The following WDPCP variants were observed in gnomAD, a reference collection of about 807,000 sequenced individuals.
WDPCP encodes the protein WD repeat containing planar cell polarity effector, also known as WD repeat-containing and planar cell polarity effector protein fritz homolog.
Under a neutral mutation model 93.1 loss-of-function variants are expected in WDPCP, and 71 were observed. The ratio of observed to expected loss-of-function variants is 0.76; its 90% CI spans 0.63 to 0.93. WDPCP has a LOEUF of 0.93. Ranked by LOEUF, WDPCP falls within the 40% of genes least tolerant of loss-of-function variation. The pLI, the probability that WDPCP is intolerant of heterozygous loss-of-function variation, is 0.00. For synonymous variants in WDPCP, 315 were observed against 315.0 expected, an observed-to-expected ratio of 1.00 and a Z score of 0.00; for missense variants, 844 against 887.4, an observed-to-expected ratio of 0.95 and a Z score of 0.62.
intron 2 of WDPCP, among the ~76,000 whole-genome samples, chr2:63,775,143 C>T (rs146391118): frequency 3.3e-5 from 5 of 152,202 alleles, no homozygotes; most frequent in South Asian, 2.1e-4. Flanking sequence ...AGACCCCAAC[C>T]GATATTTTCA....
intron 1 of WDPCP, among the ~76,000 whole-genome samples, chr2:63,546,086 T>C (rs985665870): frequency 6.6e-6 from 1 of 152,112 alleles, no homozygotes; most frequent in Non-Finnish European, 1.5e-5. Flanking sequence ...ACAAAAATAT[T>C]GTGGGATACT....
At chr2:63,482,573 T>C (rs1700331071) in intron 6 of WDPCP, among the ~76,000 whole-genome samples, 1 of 152,012 alleles carries the variant, frequency 6.6e-6, no homozygotes, top group Non-Finnish European at 1.5e-5. Context: ...TTTTAATTTA[T>C]TGCGATACCA....
At chr2:63,217,529 CAATT>C in intron 14 of WDPCP, among the ~76,000 whole-genome samples, 1 of 152,264 alleles carries the variant, frequency 6.6e-6, no homozygotes, top group Non-Finnish European at 1.5e-5. Context: ...GTTTGATCCT[CAATT>C]AGGAAAATTT....
intron 2 of WDPCP, among the ~76,000 whole-genome samples, chr2:63,778,870 T>C (rs1450250312): frequency 6.6e-6 from 1 of 152,230 alleles, no homozygotes; most frequent in Non-Finnish European, 1.5e-5. Flanking sequence ...ATTTGTGTTA[T>C]AAAATAACAT....
intron 1 of WDPCP, among the ~76,000 whole-genome samples, chr2:63,584,735 G>A (rs1225977842): frequency 1.3e-5 from 2 of 152,066 alleles, no homozygotes; most frequent in Non-Finnish European, 2.9e-5. Flanking sequence ...ATCACTCTGT[G>A]TTATTAGCCT....
chr2:63,828,669 A>G (rs563443733), upstream of WDPCP, among the ~76,000 whole-genome samples: 8 of 152,198 alleles, frequency 5.3e-5, no homozygotes, highest in Non-Finnish European at 1.0e-4. Flanking sequence ...ACTACATACA[A>G]TCATCAAGGT....
chr2:63,235,346 T>C (rs1679295904), intron 14 of WDPCP, among the ~76,000 whole-genome samples: 1 of 151,982 alleles, frequency 6.6e-6, no homozygotes, highest in Admixed American at 6.6e-5. Flanking sequence ...TGAAAATGAA[T>C]CAGTAATAAA....
chr2:63,346,638 A>G (rs1220038670), intron 12 of WDPCP, among the ~76,000 whole-genome samples: 1 of 152,180 alleles, frequency 6.6e-6, no homozygotes, highest in African/African-American at 2.4e-5. Flanking sequence ...ATCTCACTCT[A>G]TGAATGCATA....
chr2:63,281,567 T>C (rs1378821567), intron 13 of WDPCP, among the ~76,000 whole-genome samples: 1 of 152,124 alleles, frequency 6.6e-6, no homozygotes, highest in African/African-American at 2.4e-5. Context: ...TGCAAAAATA[T>C]GGAACCAGTC....
At chr2:63,452,946 G>A (rs907497421) in intron 6 of WDPCP, among the ~76,000 whole-genome samples, 5 of 152,146 alleles carry the variant, frequency 3.3e-5, no homozygotes, top group African/African-American at 9.7e-5. Context: ...ATTAATTCAA[G>A]ATGGATTAAA....
At chr2:63,764,025 T>C (rs1163164426) in intron 2 of WDPCP, among the ~76,000 whole-genome samples, 1 of 152,186 alleles carries the variant, frequency 6.6e-6, no homozygotes. Flanking sequence ...CTGATAGTTA[T>C]TGTTATTACT....
chr2:63,280,319 A>G (rs1683433003), intron 13 of WDPCP, among the ~76,000 whole-genome samples: 1 of 152,218 alleles, frequency 6.6e-6, no homozygotes, highest in Non-Finnish European at 1.5e-5. Context: ...AGGAAGAAGC[A>G]AAAACGGAAA....
chr2:63,344,292 G>A (rs1467294905), intron 12 of WDPCP, among the ~76,000 whole-genome samples: 1 of 152,066 alleles, frequency 6.6e-6, no homozygotes, highest in Non-Finnish European at 1.5e-5. Context: ...TCATTAGCTG[G>A]TGACCTAACA....
intron 2 of WDPCP, among the ~76,000 whole-genome samples, chr2:63,658,779 G>A (rs1017276325): frequency 6.6e-6 from 1 of 152,146 alleles, no homozygotes; most frequent in Non-Finnish European, 1.5e-5. Context: ...GAGAAATGCT[G>A]ACATGTTCCA....
intron 12 of WDPCP, among the ~76,000 whole-genome samples, chr2:63,360,720 C>T (rs1318928530): frequency 6.6e-6 from 1 of 152,230 alleles, no homozygotes; most frequent in Non-Finnish European, 1.5e-5. Flanking sequence ...TCCCATGGCA[C>T]CTGTTGTTTC....
intron 1 of WDPCP, among the ~76,000 whole-genome samples, chr2:63,582,719 A>ATCTT (rs1436836920): frequency 7.9e-5 from 12 of 152,194 alleles, no homozygotes; most frequent in African/African-American, 2.9e-4. Flanking sequence ...GATAAAGATG[A>ATCTT]TAGTAGATTT....
intron 6 of WDPCP, among the ~76,000 whole-genome samples, chr2:63,469,126 G>A (rs536797107): frequency 4.6e-5 from 7 of 152,044 alleles, no homozygotes; most frequent in African/African-American, 1.7e-4. Context: ...TTAGAGAAAT[G>A]TAAATCAAAA....
chr2:63,434,100 A>G (rs1178023186), intron 8 of WDPCP, among the ~76,000 whole-genome samples, 164 bp from the exon 9 acceptor site: 2 of 152,236 alleles, frequency 1.3e-5, no homozygotes, highest in African/African-American at 2.4e-5. Flanking sequence ...TTCTTCTGAC[A>G]CATATATAAA....
intron 3 of WDPCP, chr2:63,606,890 T>C: frequency 1.2e-6 from 2 of 1,611,556 alleles, no homozygotes; most frequent in Non-Finnish European, 1.7e-6. Flanking sequence ...GTTGAAGGTC[T>C]CCCTATTAAT....
Sources: allele counts gnomAD v4.1 joint callset (sites outside exome capture counted in the v4.1 genomes callset), GRCh38; gene constraint gnomAD v4.1.1; transcripts MANE v1.5; gene names NCBI Gene and HGNC (gene_info 2026-07-23, HGNC 2026-07-21).